The following TOX variants were observed in gnomAD, a reference collection of about 807,000 sequenced individuals.
TOX encodes thymocyte selection associated high mobility group box.
TOX carries 11 observed loss-of-function variants against 53.7 expected under a neutral mutation model. That is an observed-to-expected ratio of 0.20 (90% CI 0.13 to 0.34). The LOEUF is 0.34. TOX is among the 10% of genes least tolerant of loss of function. TOX has a pLI of 1.00. For synonymous variants in TOX, 225 were observed against 245.3 expected, an observed-to-expected ratio of 0.92 and a Z score of 0.77; for missense variants, 570 against 664.6, an observed-to-expected ratio of 0.86 and a Z score of 1.56.
chr8:58,864,036 A>T (rs1161107211), intron 3 of TOX, among the ~76,000 whole-genome samples: 1 of 152,140 alleles, frequency 6.6e-6, no homozygotes, highest in Non-Finnish European at 1.5e-5. Context: ...GAGGCAATAT[A>T]ATTGACAGCA....
intron 1 of TOX, among the ~76,000 whole-genome samples, chr8:59,107,491 C>G (rs1804935310): frequency 6.6e-6 from 1 of 152,168 alleles, no homozygotes; most frequent in Non-Finnish European, 1.5e-5. Context: ...AAATTTGAAA[C>G]AAGTTAATAC....
chr8:58,929,477 A>G (rs1321459152), intron 3 of TOX, among the ~76,000 whole-genome samples: 5 of 152,246 alleles, frequency 3.3e-5, no homozygotes, highest in African/African-American at 1.2e-4. Flanking sequence ...TGAAACTTTC[A>G]AACTAGAAAA....
chr8:59,106,904 G>C (rs1804915395), intron 1 of TOX, among the ~76,000 whole-genome samples: 1 of 152,088 alleles, frequency 6.6e-6, no homozygotes, highest in Non-Finnish European at 1.5e-5. Flanking sequence ...GTGTCAAAAA[G>C]ATTTTGTATG....
At chr8:59,044,085 T>G (rs1803643070) in intron 1 of TOX, among the ~76,000 whole-genome samples, 3 of 152,118 alleles carry the variant, frequency 2.0e-5, no homozygotes, top group Non-Finnish European at 2.9e-5. Flanking sequence ...GGTGTAACAC[T>G]TAAAAACCAC....
At chr8:58,868,678 C>T (rs561377615) in intron 3 of TOX, among the ~76,000 whole-genome samples, 1 of 151,710 alleles carries the variant, frequency 6.6e-6, no homozygotes, top group Non-Finnish European at 1.5e-5. Context: ...GGGATGCAGC[C>T]GAAGCAGTGC....
intron 3 of TOX, among the ~76,000 whole-genome samples, chr8:58,895,071 C>T (rs546081143): frequency 6.6e-6 from 1 of 151,976 alleles, no homozygotes; most frequent in African/African-American, 2.4e-5. Context: ...ACCCGTAATC[C>T]CAGCTACTCA....
At chr8:59,075,055 A>G (rs1232090392) in intron 1 of TOX, among the ~76,000 whole-genome samples, 3 of 152,242 alleles carry the variant, frequency 2.0e-5, no homozygotes, top group Non-Finnish European at 4.4e-5. Context: ...GATGTAATCC[A>G]GTAAGACAAA....
chr8:58,828,798 A>G (rs2129166030), intron 5 of TOX, among the ~76,000 whole-genome samples: 1 of 152,260 alleles, frequency 6.6e-6, no homozygotes, highest in East Asian at 1.9e-4. Context: ...ATGACCTTAA[A>G]CTGACAATGT....
intron 1 of TOX, among the ~76,000 whole-genome samples, chr8:59,023,959 G>T (rs951653196): frequency 7.6e-4 from 116 of 152,118 alleles, no homozygotes; most frequent in African/African-American, 2.5e-3. Flanking sequence ...GCACATGGAA[G>T]AAAAGAGTTT....
intron 3 of TOX, among the ~76,000 whole-genome samples, chr8:58,893,749 G>A (rs1359534996): frequency 1.3e-5 from 2 of 152,174 alleles, no homozygotes; most frequent in Admixed American, 1.3e-4. Context: ...AGTTACAAAA[G>A]CTTTCAAAAC....
intron 3 of TOX, among the ~76,000 whole-genome samples, chr8:58,922,954 G>A (rs1453213659): frequency 6.6e-6 from 1 of 151,938 alleles, no homozygotes; most frequent in Non-Finnish European, 1.5e-5. Flanking sequence ...TCCCAATAGA[G>A]GGATGGCTAA....
At chr8:58,848,194 C>A (rs972166951) in intron 4 of TOX, among the ~76,000 whole-genome samples, 4 of 151,820 alleles carry the variant, frequency 2.6e-5, no homozygotes, top group African/African-American at 9.7e-5. Context: ...AAATTTTAGA[C>A]CTCTATATAG....
At chr8:58,974,405 C>T (rs574632261) in intron 1 of TOX, among the ~76,000 whole-genome samples, 12 of 152,186 alleles carry the variant, frequency 7.9e-5, no homozygotes, top group Non-Finnish European at 1.5e-4. Context: ...AGATGTTTCA[C>T]TTAGGAATAA....
intron 3 of TOX, among the ~76,000 whole-genome samples, chr8:58,905,152 C>T (rs971894301): frequency 6.6e-6 from 1 of 152,146 alleles, no homozygotes; most frequent in Non-Finnish European, 1.5e-5. Flanking sequence ...AGGATGGTCC[C>T]AATCTCTTGC....
intron 2 of TOX, among the ~76,000 whole-genome samples, chr8:58,952,729 T>A (rs1812640993): frequency 6.6e-6 from 1 of 152,256 alleles, no homozygotes; most frequent in Non-Finnish European, 1.5e-5. Context: ...TTTTTGTCAC[T>A]GAAATACATT....
chr8:59,110,358 A>C (rs1262055723), intron 1 of TOX, among the ~76,000 whole-genome samples: 1 of 151,738 alleles, frequency 6.6e-6, no homozygotes, highest in Non-Finnish European at 1.5e-5. Flanking sequence ...GCTGAGGTGT[A>C]TTGGTATAGA....
At chr8:58,885,979 C>A (rs932799425) in intron 3 of TOX, among the ~76,000 whole-genome samples, 1 of 152,080 alleles carries the variant, frequency 6.6e-6, no homozygotes, top group African/African-American at 2.4e-5. Context: ...AACATTGGAT[C>A]CCTGAAGATA....
At chr8:58,951,012 G>A (rs868686428) in intron 2 of TOX, among the ~76,000 whole-genome samples, 10 of 152,202 alleles carry the variant, frequency 6.6e-5, no homozygotes, top group Non-Finnish European at 8.8e-5. Context: ...TTCATTTGGC[G>A]TAAGCTAATA....
At chr8:59,114,985 G>A (rs1305210577) in intron 1 of TOX, among the ~76,000 whole-genome samples, 2 of 152,038 alleles carry the variant, frequency 1.3e-5, no homozygotes, top group Non-Finnish European at 1.5e-5. Context: ...TTCCTTGTGC[G>A]TTTTTACGAA....
Sources: gnomAD v4.1 joint callset for allele counts (sites outside exome capture counted in the v4.1 genomes callset) on GRCh38, gnomAD v4.1.1 for gene constraint, MANE v1.5 for transcripts, NCBI Gene and HGNC (gene_info 2026-07-23, HGNC 2026-07-21) for gene names.